Variants in CHD1 observed in about 807,000 individuals in gnomAD.
CHD1 encodes the protein chromodomain helicase DNA binding protein 1.
A neutral mutation model predicts 224.2 loss-of-function variants in CHD1; 36 were observed. The observed-to-expected ratio is 0.16, with a 90% CI of 0.12 to 0.21. The LOEUF (loss-of-function observed/expected upper bound fraction) is 0.21, where lower values mean the gene tolerates loss of function less well. Ranked by LOEUF, CHD1 falls within the 10% of genes least tolerant of loss-of-function variation. The pLI is 1.00. For synonymous variants in CHD1, 668 were observed against 658.3 expected (o/e 1.01, Z -0.23); for missense variants, 1,378 against 1,994.8 (o/e 0.69, Z 5.89).
Position 98,904,925 on chromosome 5 carries a change from G to C in CHD1, c.227C>G (p.Ala76Gly), listed in dbSNP as rs746941196. The C allele has an allele frequency of 3.7e-6, 6 of 1,613,762 alleles. No individual in the cohort carries two copies. In the African/African-American group the frequency reaches 8.0e-5, roughly 22 times the overall value. ...AGCTCCATCAACTTTCGGTGGTTTT[G>C]CTTGAACTTTGTTTTCTCGGGAAGT... ...SDTSRENKVQAKPPKVDGAEF... is the reference protein window; with the variant it reads ...SDTSRENKVQGKPPKVDGAEF... Residue 76 changes from alanine (A) to glycine (G), a missense_variant, in exon 3 of 36, where the codon GCA (alanine) becomes GGA (glycine). This residue lies in a region of CHD1 where 306 missense variants were observed against 298.1 expected (regional missense o/e 1.03). Coordinates refer to ENST00000614616, the MANE Select transcript of CHD1 (RefSeq NM_001270.4).
chr5:98,905,090 T>C lies in CHD1; in HGVS notation c.62A>G (p.Asp21Gly). The stretch of plus-strand genomic sequence containing the variant: ...GCCTGAAGCTGACCCAGAATCATCA[T>C]CCGACTGGCTATAATTTGAAAATAA... ...RNSSGESSQS[D>G]DDSGSASGSG... Residue 21 changes from aspartate (D) to glycine (G), a missense_variant, in exon 3 of 36, where the codon GAT becomes GGT. Asp to Gly is a moderately conservative substitution (Grantham distance 94). Coordinates refer to ENST00000614616, the MANE Select transcript of CHD1 (RefSeq NM_001270.4). 6.2e-7 allele frequency: 1 copy of C among 1,612,010 alleles called. No homozygotes were observed. Among genetic ancestry groups the C allele is most frequent in the Non-Finnish European group, 8.5e-7 (1 of 1,178,108 alleles).
intron 15 of CHD1, among the ~76,000 whole-genome samples, chr5:98,890,664 A>G (rs1750954349): frequency 6.6e-6 from 1 of 152,160 alleles, no homozygotes; most frequent in Non-Finnish European, 1.5e-5. Flanking sequence ...GAACCCCATA[A>G]CAAAATTAGA....
chr5:98,905,441 A>G (rs1315852667), intron 2 of CHD1, among the ~76,000 whole-genome samples: 1 of 152,240 alleles, frequency 6.6e-6, no homozygotes, highest in Non-Finnish European at 1.5e-5. Flanking sequence ...TGAGAAGTCA[A>G]GAAGTTGAAG....
chr5:98,857,203 T>A (rs1748098809), intron 35 of CHD1, among the ~76,000 whole-genome samples: 1 of 152,162 alleles, frequency 6.6e-6, no homozygotes, highest in Non-Finnish European at 1.5e-5. Context: ...CAAGTTTGAC[T>A]AGTTATATAG....
intron 2 of CHD1, among the ~76,000 whole-genome samples, chr5:98,908,643 G>T (rs1030718622): frequency 6.6e-5 from 10 of 151,952 alleles, no homozygotes; most frequent in Non-Finnish European, 1.3e-4. Context: ...TTTATTTTAG[G>T]TAATAACCAG....
At chr5:98,883,270 T>G in intron 18 of CHD1, 33 bp from the exon 19 acceptor site, 1 of 1,489,406 alleles carries the variant, frequency 6.7e-7, no homozygotes, top group South Asian at 1.3e-5. Context: ...AATGAAAAAT[T>G]TTTCAATTGA....
At position 98,870,736 on chromosome 5, in the gene CHD1, A is replaced by G; in HGVS notation, c.3929T>C (p.Ile1310Thr). 1 of 1,611,806 alleles carries G rather than the reference A, an allele frequency of 6.2e-7. No homozygotes were observed. Among genetic ancestry groups the G allele is most frequent in the Non-Finnish European group, 8.5e-7 (1 of 1,178,838 alleles). ...TGCAAGATCTCTACTAAGTAATTTG[A>G]TGAGGTAGTCTGCACGGGTCTGCAA... ...KQLQTRADYLIKLLSRDLAKK... is the reference protein window; with the variant it reads ...KQLQTRADYLTKLLSRDLAKK... The change falls in exon 29 of 36, where the codon ATC (isoleucine) becomes ACC (threonine). Residue 1310 changes from isoleucine to threonine, a missense_variant. By Grantham distance (89) the Ile-to-Thr change is moderately conservative. Transcript: ENST00000614616.
intron 26 of CHD1, 118 bp from the exon 27 acceptor site, chr5:98,872,673 T>C (rs1213476459): frequency 1.2e-6 from 1 of 836,962 alleles, no homozygotes; most frequent in Non-Finnish European, 1.9e-6. Flanking sequence ...TTATTTATAT[T>C]ATTAAGAGAT....
intron 26 of CHD1, 62 bp from the exon 27 acceptor site, chr5:98,872,617 C>T: frequency 1.5e-6 from 2 of 1,321,700 alleles, no homozygotes; most frequent in Non-Finnish European, 2.2e-6. Flanking sequence ...TACAAAACAC[C>T]AAGCAACTGA....
chr5:98,903,707 T>C (rs903647366), intron 4 of CHD1, 85 bp downstream of exon 4: 3 of 930,362 alleles, frequency 3.2e-6, no homozygotes, highest in African/African-American at 3.2e-5. Context: ...AAAGCACTTA[T>C]TATTTTTAAT....
chr5:98,863,295 C>T, intron 32 of CHD1, 113 bp downstream of exon 32: 1 of 586,624 alleles, frequency 1.7e-6, no homozygotes, highest in Non-Finnish European at 2.7e-6. Context: ...TGTAGGTTAC[C>T]TCTTTAAAAA....
intron 28 of CHD1, among the ~76,000 whole-genome samples, chr5:98,871,675 T>C (rs1327656091): frequency 1.3e-5 from 2 of 152,108 alleles, no homozygotes; most frequent in Non-Finnish European, 1.5e-5. Context: ...GTGATAAATG[T>C]TCCAGTTACC....
In CHD1 at chr5:98,893,605, G is replaced by T; in HGVS notation, c.1802C>A (p.Ala601Glu). 1.9e-6 allele frequency: 3 copies of T among 1,557,412 alleles called. No individual in the cohort carries two copies. The highest frequency in any genetic ancestry group is 2.6e-6 in the Non-Finnish European group (3 of 1,155,382). ...TTYEILLKDK[A>E]FLGGLNWAFI... ...TGCCCAATTTAGACCTCCAAGGAATGCCTTAAAATAATAGAAAAACAGTAT... is the reference window on the plus strand; with the variant it reads ...TGCCCAATTTAGACCTCCAAGGAATTCCTTAAAATAATAGAAAAACAGTAT... Residue 601 changes from alanine to glutamate, a missense_variant and splice_region_variant, in exon 14 of 36, where the codon GCA (alanine) becomes GAA (glutamate). This residue lies in a region of CHD1 where 18 missense variants were observed against 16.1 expected (regional missense o/e 1.11). Coordinates refer to ENST00000614616, the MANE Select transcript of CHD1 (RefSeq NM_001270.4).
chr5:98,871,385 A>AAAAAAAAAAAAAAAAAAAAT (rs1366767528), intron 28 of CHD1, among the ~76,000 whole-genome samples: 1 of 148,238 alleles, frequency 6.7e-6, no homozygotes, highest in Non-Finnish European at 1.5e-5. Context: ...AAAAAAAAAA[A>AAAAAAAAAAAAAAAAAAAAT]AAAAAAAAAA....
In CHD1 at chr5:98,897,260, G is replaced by GTCC; in HGVS notation, c.1423_1425dup (p.Gly475dup). On this transcript the variant is annotated inframe_insertion, in exon 11 of 36. Coordinates refer to ENST00000614616, the MANE Select transcript of CHD1 (RefSeq NM_001270.4). ...TAATCTCTTAATTCTAAGCCCTCAT[G>GTCC]TCCTCCAATATAGGATGGCTGCTTC... 2 of 1,611,882 alleles carry GTCC rather than the reference G, an allele frequency of 1.2e-6. No individual in the cohort carries two copies. The highest frequency in any genetic ancestry group is 1.7e-6 in the Non-Finnish European group (2 of 1,178,290).
chr5:98,893,336 T>C (rs1007657756), intron 14 of CHD1, 80 bp downstream of exon 14: 16 of 941,184 alleles, frequency 1.7e-5, no homozygotes, highest in Non-Finnish European at 2.3e-5. Flanking sequence ...ATAAAAACTC[T>C]TACTGACCTT....
intron 2 of CHD1, among the ~76,000 whole-genome samples, chr5:98,920,278 G>GAC (rs1753006159): frequency 6.6e-6 from 1 of 151,980 alleles, no homozygotes; most frequent in African/African-American, 2.4e-5. Context: ...CAACCCTCTT[G>GAC]AAAGTAGGCT....
chr5:98,903,190 G>T (rs1327369556), intron 4 of CHD1, among the ~76,000 whole-genome samples: 1 of 152,104 alleles, frequency 6.6e-6, no homozygotes, highest in Non-Finnish European at 1.5e-5. Context: ...TCAGCACTTT[G>T]TATGAAACCT....
At chr5:98,884,429 G>T (rs1183504644) in intron 18 of CHD1, among the ~76,000 whole-genome samples, 1 of 152,068 alleles carries the variant, frequency 6.6e-6, no homozygotes, top group East Asian at 1.9e-4. Flanking sequence ...AACATTGTAT[G>T]TTCTCACTTG....
Sources: gnomAD v4.1 joint callset for allele counts (sites outside exome capture counted in the v4.1 genomes callset) on GRCh38, gnomAD v4.1.1 for gene constraint, gnomAD v4.1.1 regional missense constraint, MANE v1.5 for transcripts, NCBI Gene and HGNC (gene_info 2026-07-23, HGNC 2026-07-21) for gene names.